EVA1C: variants seen among roughly 807,000 people sequenced by gnomAD.
EVA1C encodes the protein protein eva-1 homolog C.
In EVA1C, 25 loss-of-function variants were observed where a neutral mutation model predicts 45.4. That is an observed-to-expected ratio of 0.55 (90% CI 0.40 to 0.77). The LOEUF (loss-of-function observed/expected upper bound fraction) is 0.77. Ranked by LOEUF, EVA1C falls within the 30% of genes least tolerant of loss-of-function variation. The probability of loss-of-function intolerance (pLI) is 0.00; values close to 1 mark genes in which losing one functional copy is unlikely to be tolerated. For missense variants in EVA1C, 479 were observed against 554.8 expected (o/e 0.86, Z 1.37); for synonymous variants, 190 against 221.2 (o/e 0.86, Z 1.25).
chr21:32,496,118 C>T (rs932659446), intron 5 of EVA1C, among the ~76,000 whole-genome samples: 10 of 152,194 alleles, frequency 6.6e-5, no homozygotes, highest in African/African-American at 2.2e-4. Context: ...AAAAGAAACC[C>T]TGTATCCCTT....
At chr21:32,471,702 C>T (rs147963894) in intron 4 of EVA1C, among the ~76,000 whole-genome samples, 194 of 151,278 alleles carry the variant, frequency 1.3e-3, no homozygotes, top group African/African-American at 4.5e-3. Flanking sequence ...GATCTCAGCT[C>T]ACTGCAAGCT....
chr21:32,496,064 T>A (rs2037342508), intron 5 of EVA1C, among the ~76,000 whole-genome samples: 1 of 152,236 alleles, frequency 6.6e-6, no homozygotes, highest in Non-Finnish European at 1.5e-5. Flanking sequence ...CACAGAATTG[T>A]GCTACCATCA....
intron 5 of EVA1C, among the ~76,000 whole-genome samples, chr21:32,500,277 A>G (rs2037487203): frequency 7.2e-6 from 1 of 138,744 alleles, no homozygotes; most frequent in African/African-American, 2.7e-5. Context: ...AGCTCAGTGC[A>G]ACCTCTGCCT....
chr21:32,502,028 CTTTCTTTCTTTCTTTCTTTCTTTCTTCT>C (rs1303864627), intron 6 of EVA1C, among the ~76,000 whole-genome samples: 18 of 123,338 alleles, frequency 1.5e-4, no homozygotes, highest in Admixed American at 6.8e-4. Context: ...TTCTTTCTTT[CTTTCTTTCTTTCTTTCTTTCTTTCTTCT>C]TTCTTTCTTT....
At chr21:32,512,554 A>G (rs1275504514) in intron 7 of EVA1C, among the ~76,000 whole-genome samples, 1 of 152,014 alleles carries the variant, frequency 6.6e-6, no homozygotes, top group Non-Finnish European at 1.5e-5. Context: ...CCCTCCCACG[A>G]CACCACCACT....
At chr21:32,466,235 A>G (rs1239879764) in intron 3 of EVA1C, among the ~76,000 whole-genome samples, 1 of 152,094 alleles carries the variant, frequency 6.6e-6, no homozygotes, top group Non-Finnish European at 1.5e-5. Flanking sequence ...CCTGGCTAAC[A>G]CGGTGAAACC....
chr21:32,492,876 G>C (rs555518000), intron 4 of EVA1C, among the ~76,000 whole-genome samples: 18 of 151,964 alleles, frequency 1.2e-4, no homozygotes, highest in Non-Finnish European at 2.5e-4. Context: ...GGGTAGTGGG[G>C]CTCAGAGATC....
At chr21:32,444,912 C>T (rs576775587) in intron 1 of EVA1C, among the ~76,000 whole-genome samples, 2 of 149,964 alleles carry the variant, frequency 1.3e-5, no homozygotes, top group Admixed American at 6.7e-5. Context: ...TTCACAATAT[C>T]GCACTCCTGT....
chr21:32,466,201 A>G (rs1181930333), intron 3 of EVA1C, among the ~76,000 whole-genome samples: 2 of 152,124 alleles, frequency 1.3e-5, no homozygotes, highest in Non-Finnish European at 2.9e-5. Context: ...CGGGTGGATC[A>G]CGAGGTCAGG....
At chr21:32,431,757 G>A (rs996702852) in intron 1 of EVA1C, among the ~76,000 whole-genome samples, 3 of 152,098 alleles carry the variant, frequency 2.0e-5, no homozygotes, top group Non-Finnish European at 4.4e-5. Flanking sequence ...TACCCCATTT[G>A]CTTTATTATT....
intron 1 of EVA1C, among the ~76,000 whole-genome samples, chr21:32,444,557 T>C (rs28445753): frequency 0.36 from 54,600 of 152,094 alleles, 10,021 homozygotes; most frequent in Middle Eastern, 0.44. Context: ...GTGCCCTGAC[T>C]TCCAAAAACC....
In EVA1C at chr21:32,463,992, C is replaced by T. The variant is rs2036090058; in HGVS notation, c.482-3704C>T. Among the ~76,000 whole-genome samples the T allele has an allele frequency of 1.3e-5, 2 of 152,138 alleles. 1 individual carries two copies. The highest frequency in any genetic ancestry group is 4.2e-4 in the South Asian group (2 of 4,818). ...CCCTCTTTTCTGCATCAAAGGCCATCGTTCACTCTGGGCCTTTGAAGTCAG... is the reference window on the plus strand; with the variant it reads ...CCCTCTTTTCTGCATCAAAGGCCATTGTTCACTCTGGGCCTTTGAAGTCAG... On this transcript the variant is annotated intron_variant, in intron 3 of 7. Transcript: ENST00000300255.
At chr21:32,416,606 G>C (rs1187137809) in intron 1 of EVA1C, among the ~76,000 whole-genome samples, 1 of 152,038 alleles carries the variant, frequency 6.6e-6, no homozygotes, top group Non-Finnish European at 1.5e-5. Context: ...TGGGATTATA[G>C]GCATGAGCCA....
intron 5 of EVA1C, chr21:32,497,358 G>A (rs562891701): frequency 3.7e-5 from 16 of 428,908 alleles, no homozygotes; most frequent in Non-Finnish European, 6.8e-5. Flanking sequence ...GAAACCATGG[G>A]TTTCCTGGGG....
At chr21:32,513,331 C>G (rs2038022405) in intron 7 of EVA1C, among the ~76,000 whole-genome samples, 1 of 148,428 alleles carries the variant, frequency 6.7e-6, no homozygotes, top group Non-Finnish European at 1.5e-5. Flanking sequence ...CGCCCGCCAC[C>G]ACACCCGGCT....
chr21:32,467,722 G>C lies in EVA1C; in HGVS notation c.508G>C (p.Glu170Gln). Residue 170 changes from glutamate to glutamine, a missense_variant, in exon 4 of 8, where the codon GAA (glutamate) becomes CAA (glutamine). Coordinates refer to ENST00000300255, the MANE Select transcript of EVA1C (RefSeq NM_058187.5). ...PNELKNKTVC[E>Q]DQELKLHCHE... ...TGAATTAAAAAACAAAACCGTGTGT[G>C]AAGACCAGGAGCTGAAACTGCACTG... The C allele has an allele frequency of 6.2e-7, 1 of 1,608,336 alleles. No individual in the cohort carries two copies. The highest frequency in any genetic ancestry group is 2.2e-5 in the East Asian group (1 of 44,466).
At chr21:32,500,864 T>C (rs1413287481) in intron 5 of EVA1C, among the ~76,000 whole-genome samples, 3 of 152,114 alleles carry the variant, frequency 2.0e-5, no homozygotes, top group Non-Finnish European at 2.9e-5. Flanking sequence ...CAGGCTGGAA[T>C]GCAGTGGTGC....
At chr21:32,476,263 T>A (rs2036560866) in intron 4 of EVA1C, among the ~76,000 whole-genome samples, 1 of 151,478 alleles carries the variant, frequency 6.6e-6, no homozygotes, top group African/African-American at 2.4e-5. Context: ...GGGTTTTTTG[T>A]TTTGTTTTGT....
intron 4 of EVA1C, among the ~76,000 whole-genome samples, chr21:32,484,420 T>C (rs2036900301): frequency 6.6e-6 from 1 of 151,978 alleles, no homozygotes; most frequent in African/African-American, 2.4e-5. Flanking sequence ...GGCGTGTGCC[T>C]GTAATCCCAG....
Sources: allele counts gnomAD v4.1 joint callset (sites outside exome capture counted in the v4.1 genomes callset), GRCh38; gene constraint gnomAD v4.1.1; transcripts MANE v1.5; gene names NCBI Gene and HGNC (gene_info 2026-07-23, HGNC 2026-07-21).